NAT10: variants seen among roughly 807,000 people sequenced by gnomAD.
The protein encoded by NAT10 is RNA cytidine acetyltransferase.
A neutral mutation model predicts 132.2 loss-of-function variants in NAT10; 109 were observed. The observed-to-expected ratio is 0.82, with a 90% CI of 0.71 to 0.97. NAT10 has a LOEUF of 0.97. NAT10 is among the 50% of genes least tolerant of loss of function. NAT10 has a pLI of 0.00. For synonymous variants in NAT10, 479 were observed against 478.0 expected, an observed-to-expected ratio of 1.00 and a Z score of -0.03; for missense variants, 1,184 against 1,263.4, an observed-to-expected ratio of 0.94 and a Z score of 0.95.
chr11:34,127,514 A>T lies in NAT10; in HGVS notation c.1159A>T (p.Ile387Phe). Residue 387 changes from isoleucine to phenylalanine, a missense_variant, in exon 12 of 29, where the codon ATT becomes TTT. Coordinates refer to ENST00000257829, the MANE Select transcript of NAT10 (RefSeq NM_024662.3). ...VKLGQAELVV[I>F]DEAAAIPLPL... ...GCTGGGCCAGGCTGAACTAGTTGTGATTGATGAAGCTGCCGCCATCCCCCT... is the reference window on the plus strand; with the variant it reads ...GCTGGGCCAGGCTGAACTAGTTGTGTTTGATGAAGCTGCCGCCATCCCCCT... The T allele has an allele frequency of 6.2e-7, 1 of 1,614,152 alleles. No individual in the cohort carries two copies. Among genetic ancestry groups the T allele is most frequent in the Middle Eastern group, 1.6e-4 (1 of 6,062 alleles).
chr11:34,144,591 C>T (rs1340124226), intron 28 of NAT10, among the ~76,000 whole-genome samples: 2 of 152,224 alleles, frequency 1.3e-5, no homozygotes, highest in Admixed American at 1.3e-4. Flanking sequence ...AATCCAAATA[C>T]ATTTTGACCT....
At chr11:34,111,005 A>G (rs1851684787) in intron 3 of NAT10, among the ~76,000 whole-genome samples, 1 of 152,260 alleles carries the variant, frequency 6.6e-6, no homozygotes, top group African/African-American at 2.4e-5. Flanking sequence ...ACAGATTGAG[A>G]ATAAGGCCTG....
chr11:34,124,800 C>T (rs1458731916), intron 11 of NAT10, among the ~76,000 whole-genome samples: 1 of 152,190 alleles, frequency 6.6e-6, no homozygotes, highest in Non-Finnish European at 1.5e-5. Flanking sequence ...GCAAAATGTG[C>T]TCTGAATCTT....
chr11:34,141,658 C>A, intron 25 of NAT10, 61 bp from the exon 26 acceptor site: 1 of 1,479,046 alleles, frequency 6.8e-7, no homozygotes, highest in Non-Finnish European at 9.4e-7. Flanking sequence ...GTCTGGGTCA[C>A]GGGTGACTGG....
intron 1 of NAT10, among the ~76,000 whole-genome samples, chr11:34,106,466 C>T (rs1851596966): frequency 6.6e-6 from 1 of 151,010 alleles, no homozygotes; most frequent in Admixed American, 6.6e-5. Context: ...TCTTGTTCCT[C>T]ATCTCATTCT....
chr11:34,131,234 C>T, intron 13 of NAT10, 147 bp from the exon 14 acceptor site: 1 of 1,217,518 alleles, frequency 8.2e-7, no homozygotes, highest in African/African-American at 1.5e-5. Flanking sequence ...CCACCAAAAA[C>T]AATTTTAAAC....
Position 34,122,466 on chromosome 11 carries a change from C to T in NAT10, c.788C>T (p.Ala263Val), listed in dbSNP as rs376848619. 6.2e-7 allele frequency: 1 copy of T among 1,614,076 alleles called. No homozygotes were observed. The highest frequency in any genetic ancestry group is 1.3e-5 in the African/African-American group (1 of 74,944). Reference sequence around the variant, plus strand: ...ATGTTTCTGTTTCCACAGGCCAAAGCTGTCTTGAAATTTATCGAGGGCATC... The same window carrying T: ...ATGTTTCTGTTTCCACAGGCCAAAGTTGTCTTGAAATTTATCGAGGGCATC... ...DCCKTLDQAKAVLKFIEGISE... is the reference protein window; with the variant it reads ...DCCKTLDQAKVVLKFIEGISE... Residue 263 changes from alanine to valine, a missense_variant, in exon 9 of 29, where the codon GCT (alanine) becomes GTT (valine). Coordinates refer to ENST00000257829, the MANE Select transcript of NAT10 (RefSeq NM_024662.3).
Position 34,144,022 on chromosome 11 carries a change from G to T in NAT10, c.2969+494G>T, listed in dbSNP as rs781610920. On this transcript the variant is annotated intron_variant, in intron 28 of 28. Transcript: ENST00000257829. ...AGGCCATAGGTTTAACTGTTACGTT[G>T]TCCTTCCTTTGAGCCAGCAGTTCTC... Among the ~76,000 whole-genome samples the T allele has an allele frequency of 2.6e-5, 4 of 152,236 alleles. No individual in the cohort carries two copies. The South Asian group carries it at 8.3e-4, about 32-fold the overall frequency.
Position 34,112,112 on chromosome 11 carries a change from A to G in NAT10, c.261A>G (p.Ile87Met), listed in dbSNP as rs780055048. ...AAATAAAGAATGGAACACTGAACAT[A>G]AAGCAGGACGACCCCTTTGAACTCT... Reference protein sequence around the residue: ...QKKIKNGTLNIKQDDPFELFI... With the variant: ...QKKIKNGTLNMKQDDPFELFI... Residue 87 changes from isoleucine to methionine, a missense_variant, in exon 4 of 29, where the codon ATA becomes ATG. Ile to Met is a conservative substitution (Grantham distance 10). Transcript: ENST00000257829. The G allele has an allele frequency of 1.1e-5, 18 of 1,614,244 alleles. No individual in the cohort carries two copies. In the Middle Eastern group the frequency reaches 9.9e-4, roughly 89 times the overall value.
chr11:34,127,708 T>A, intron 12 of NAT10, 109 bp downstream of exon 12: 2 of 1,359,262 alleles, frequency 1.5e-6, no homozygotes, highest in Non-Finnish European at 2.0e-6. Flanking sequence ...ATTCTCAGAG[T>A]CTCTGAGTGT....
At position 34,141,345 on chromosome 11, in the gene NAT10, A is replaced by G; in HGVS notation, c.2712+137A>G. ...GTCACACACACACACACACACACAC[A>G]CAAATCCAGGACTTCAGAACACATG... On this transcript the variant is annotated intron_variant, in intron 25 of 28. Transcript: ENST00000257829. The G allele has an allele frequency of 2.3e-6, 3 of 1,281,558 alleles. No homozygotes were observed. The South Asian group carries it at 4.2e-5, about 18-fold the overall frequency. 79.4% of individuals were successfully genotyped at this position (1,281,558 alleles called of 1,614,324 possible). A position where few individuals can be genotyped will look rare whatever the true frequency, so the allele number is the denominator to read the frequency against.
chr11:34,131,682 T>C (rs1214806916), intron 14 of NAT10, 151 bp downstream of exon 14: 9 of 902,580 alleles, frequency 1.0e-5, no homozygotes, highest in Admixed American at 7.0e-5. Context: ...CCTTTTTTTT[T>C]TTTCTTTCTT....
chr11:34,132,019 C>A, intron 14 of NAT10, 106 bp from the exon 15 acceptor site: 2 of 823,876 alleles, frequency 2.4e-6, no homozygotes, highest in South Asian at 1.4e-5. Context: ...CTGCTTAGGA[C>A]ACTGAGCTCC....
intron 3 of NAT10, among the ~76,000 whole-genome samples, chr11:34,109,206 A>T (rs1221930272): frequency 6.6e-6 from 1 of 152,000 alleles, no homozygotes; most frequent in African/African-American, 2.4e-5. Flanking sequence ...CCCATGTCCA[A>T]GGAAAACCCC....
Position 34,127,480 on chromosome 11 carries a change from T to G in NAT10, c.1125T>G (p.Asp375Glu). 1 of 1,613,936 alleles carries G rather than the reference T, an allele frequency of 6.2e-7. No individual in the cohort carries two copies. The highest frequency in any genetic ancestry group is 8.5e-7 in the Non-Finnish European group (1 of 1,179,798). ...CCCCATAGTATATACATCCTGCAGATGCTGTGAAGCTGGGCCAGGCTGAAC... is the reference window on the plus strand; with the variant it reads ...CCCCATAGTATATACATCCTGCAGAGGCTGTGAAGCTGGGCCAGGCTGAAC... ...RQTIQYIHPA[D>E]AVKLGQAELV... Residue 375 changes from aspartate to glutamate, a missense_variant, in exon 12 of 29, where the codon GAT becomes GAG. Coordinates refer to ENST00000257829, the MANE Select transcript of NAT10 (RefSeq NM_024662.3).
At chr11:34,143,947 A>G (rs1255680825) in intron 28 of NAT10, among the ~76,000 whole-genome samples, 1 of 152,228 alleles carries the variant, frequency 6.6e-6, no homozygotes, top group African/African-American at 2.4e-5. Flanking sequence ...CAAGAAGCAC[A>G]CAGCTAGTGA....
chr11:34,140,156 C>G (rs184133988), intron 23 of NAT10, among the ~76,000 whole-genome samples: 33 of 152,324 alleles, frequency 2.2e-4, no homozygotes, highest in Admixed American at 2.0e-3. Context: ...TTTCCTTGGT[C>G]CATGTGTTCA....
intron 21 of NAT10, among the ~76,000 whole-genome samples, chr11:34,137,319 A>T: frequency 6.6e-6 from 1 of 152,220 alleles, no homozygotes. Flanking sequence ...GGACAGGAGG[A>T]TCAAGGGTAA....
At chr11:34,108,694 C>CTA in intron 2 of NAT10, 48 bp from the exon 3 acceptor site, 1 of 1,553,124 alleles carries the variant, frequency 6.4e-7, no homozygotes, top group Non-Finnish European at 8.8e-7. Flanking sequence ...CTGGCGGTCT[C>CTA]TAAAGTCTCT....
Sources: gnomAD v4.1 joint callset for allele counts (sites outside exome capture counted in the v4.1 genomes callset) on GRCh38, gnomAD v4.1.1 for gene constraint, MANE v1.5 for transcripts, NCBI Gene and HGNC (gene_info 2026-07-23, HGNC 2026-07-21) for gene names.